FCHSD2: variants seen among roughly 807,000 people sequenced by gnomAD.
FCHSD2 encodes F-BAR and double SH3 domains protein 2.
Under a neutral mutation model 108.1 loss-of-function variants are expected in FCHSD2, and 38 were observed. The ratio of observed to expected loss-of-function variants is 0.35; its 90% CI spans 0.27 to 0.46. The LOEUF is 0.46. FCHSD2 is among the 20% of genes least tolerant of loss of function. The pLI is 1.00. For synonymous variants in FCHSD2, 279 were observed against 314.7 expected, an observed-to-expected ratio of 0.89 and a Z score of 1.20; for missense variants, 751 against 897.8, an observed-to-expected ratio of 0.84 and a Z score of 2.09.
At chr11:72,921,689 T>G in intron 9 of FCHSD2, 139 bp downstream of exon 9, 1 of 664,038 alleles carries the variant, frequency 1.5e-6, no homozygotes, top group Non-Finnish European at 2.5e-6. Flanking sequence ...CCAACTTTGT[T>G]AGAAGGAATG....
intron 3 of FCHSD2, among the ~76,000 whole-genome samples, chr11:73,059,394 G>C (rs1283661008): frequency 6.6e-6 from 1 of 152,032 alleles, no homozygotes; most frequent in Non-Finnish European, 1.5e-5. Context: ...AGAAGTTGTA[G>C]GACGGGCTAA....
rs1860774859 is a variant in FCHSD2 at position 72,837,728 on chromosome 11, A to C, written c.*1063T>G. On this transcript the variant is annotated 3_prime_UTR_variant, in exon 20 of 20. Coordinates refer to ENST00000409418, the MANE Select transcript of FCHSD2 (RefSeq NM_014824.3). Reference sequence around the variant, plus strand: ...TTCTCATAGAAAGCTGGTTTCCTCCACGAGCCACCAGGTTCTTCCTTCCAC... The same window carrying C: ...TTCTCATAGAAAGCTGGTTTCCTCCCCGAGCCACCAGGTTCTTCCTTCCAC... 1.3e-5 allele frequency: 2 copies of C among 152,160 alleles called. No homozygotes were observed. The highest frequency in any genetic ancestry group is 4.8e-5 in the African/African-American group (2 of 41,416). 9.4% of individuals were successfully genotyped at this position (152,160 alleles called of 1,614,324 possible). A position where few individuals can be genotyped will look rare whatever the true frequency, so the allele number is the denominator to read the frequency against.
chr11:72,883,507 G>A (rs1260111851), intron 12 of FCHSD2, among the ~76,000 whole-genome samples: 1 of 152,104 alleles, frequency 6.6e-6, no homozygotes, highest in Non-Finnish European at 1.5e-5. Context: ...TTACTAAGGG[G>A]GATATATGAA....
chr11:72,880,238 T>C lies in FCHSD2; in HGVS notation c.1146+7232A>G, dbSNP rs555561038. On this transcript the variant is annotated intron_variant, in intron 12 of 19. Transcript: ENST00000409418. The stretch of plus-strand genomic sequence containing the variant: ...AATCCATGTGCAATTGCTATCAAAA[T>C]CAATGACATTCTTCACAGAAATAGA... Among the ~76,000 whole-genome samples, 6 of 152,050 alleles carry C rather than the reference T, an allele frequency of 3.9e-5. No individual in the cohort carries two copies. In the East Asian group the frequency reaches 1.2e-3, roughly 29 times the overall value.
chr11:72,920,230 GT>G (rs1489618409), intron 9 of FCHSD2, among the ~76,000 whole-genome samples: 1 of 152,144 alleles, frequency 6.6e-6, no homozygotes, highest in Admixed American at 6.5e-5. Flanking sequence ...GGCAAGTCTG[GT>G]CAAAATAAGA....
chr11:73,081,929 G>A (rs551789126), intron 3 of FCHSD2, among the ~76,000 whole-genome samples: 4 of 152,206 alleles, frequency 2.6e-5, no homozygotes, highest in East Asian at 3.9e-4. Context: ...AAGATCGGGC[G>A]CGGTGACTCA....
chr11:73,119,075 A>G (rs926520280), intron 2 of FCHSD2, among the ~76,000 whole-genome samples: 1 of 152,204 alleles, frequency 6.6e-6, no homozygotes, highest in African/African-American at 2.4e-5. Context: ...GCCAAGGCAG[A>G]TGGATAGCTC....
At chr11:73,139,703 T>TAA (rs995811974) in intron 2 of FCHSD2, among the ~76,000 whole-genome samples, 1 of 152,224 alleles carries the variant, frequency 6.6e-6, no homozygotes, top group African/African-American at 2.4e-5. Flanking sequence ...TCTAACTGTG[T>TAA]AAAACCGTTA....
At chr11:72,987,491 C>T (rs994370674) in intron 6 of FCHSD2, among the ~76,000 whole-genome samples, 1 of 152,184 alleles carries the variant, frequency 6.6e-6, no homozygotes, top group Admixed American at 6.5e-5. Flanking sequence ...CATCTCTGTA[C>T]TCACCATATC....
intron 8 of FCHSD2, among the ~76,000 whole-genome samples, chr11:72,977,251 AATTCTCTAAG>A (rs1429147022): frequency 6.6e-6 from 1 of 152,136 alleles, no homozygotes; most frequent in African/African-American, 2.4e-5. Context: ...CATTGGGGGA[AATTCTCTAAG>A]ACACTGGACT....
chr11:72,838,595 A>G lies in FCHSD2; in HGVS notation c.*196T>C. On this transcript the variant is annotated 3_prime_UTR_variant, in exon 20 of 20. Coordinates refer to ENST00000409418, the MANE Select transcript of FCHSD2 (RefSeq NM_014824.3). The stretch of plus-strand genomic sequence containing the variant: ...GCTATGGTAGGAGAAATGACATAGA[A>G]AATGACAACAAAAAAAAAAGGCACG... The G allele has an allele frequency of 1.7e-6, 1 of 595,072 alleles. No individual in the cohort carries two copies. Among genetic ancestry groups the G allele is most frequent in the Non-Finnish European group, 3.0e-6 (1 of 333,768 alleles). 36.9% of individuals were successfully genotyped at this position (595,072 alleles called of 1,614,324 possible).
intron 3 of FCHSD2, among the ~76,000 whole-genome samples, chr11:73,050,444 T>A (rs2135474915): frequency 6.6e-6 from 1 of 152,344 alleles, no homozygotes; most frequent in East Asian, 1.9e-4. Context: ...AATATTACTA[T>A]AAACATATAT....
At chr11:72,935,641 C>A (rs1243573856) in intron 8 of FCHSD2, among the ~76,000 whole-genome samples, 1 of 152,064 alleles carries the variant, frequency 6.6e-6, no homozygotes, top group Admixed American at 6.6e-5. Flanking sequence ...TACAAGAAAT[C>A]AAAACAAGTA....
At chr11:73,081,331 G>A (rs1859679660) in intron 3 of FCHSD2, among the ~76,000 whole-genome samples, 1 of 152,078 alleles carries the variant, frequency 6.6e-6, no homozygotes, top group Admixed American at 6.5e-5. Flanking sequence ...CTATTCGGGA[G>A]GATGAGGTAG....
chr11:73,012,101 T>C (rs1857876407), intron 4 of FCHSD2, among the ~76,000 whole-genome samples: 1 of 152,178 alleles, frequency 6.6e-6, no homozygotes, highest in African/African-American at 2.4e-5. Context: ...ACTGCATTAT[T>C]TGAAATACTA....
intron 2 of FCHSD2, among the ~76,000 whole-genome samples, chr11:73,110,648 G>A (rs1860461107): frequency 6.6e-6 from 1 of 151,676 alleles, no homozygotes; most frequent in Admixed American, 6.6e-5. Context: ...CTTTTGTATT[G>A]TTTTCTTCAT....
chr11:73,107,055 T>C (rs1445224149), intron 2 of FCHSD2, among the ~76,000 whole-genome samples: 1 of 151,540 alleles, frequency 6.6e-6, no homozygotes, highest in East Asian at 1.9e-4. Flanking sequence ...ATATATATTT[T>C]TAAATGGAGT....
At chr11:72,983,980 T>C (rs1857264072) in intron 8 of FCHSD2, 108 bp downstream of exon 8, 1 of 836,090 alleles carries the variant, frequency 1.2e-6, no homozygotes, top group South Asian at 1.5e-5. Flanking sequence ...AGATGCAACA[T>C]AGCCTGGCTA....
At chr11:73,083,810 C>G in intron 2 of FCHSD2, 70 bp from the exon 3 acceptor site, 1 of 929,850 alleles carries the variant, frequency 1.1e-6, no homozygotes, top group Admixed American at 2.0e-5. Context: ...TATCAACACA[C>G]CTTCAAATAC....
Sources: allele counts gnomAD v4.1 joint callset (sites outside exome capture counted in the v4.1 genomes callset), GRCh38; gene constraint gnomAD v4.1.1; transcripts MANE v1.5; gene names NCBI Gene and HGNC (gene_info 2026-07-23, HGNC 2026-07-21).